Variants in SETD2 observed in about 807,000 individuals in gnomAD.
The protein encoded by SETD2 is SET domain containing 2, histone lysine methyltransferase.
In SETD2, 31 loss-of-function variants were observed where a neutral mutation model predicts 242.1. The observed-to-expected ratio is 0.13, with a 90% CI of 0.10 to 0.17. The LOEUF (loss-of-function observed/expected upper bound fraction) is 0.17, where lower values mean the gene tolerates loss of function less well. Among genes scored for constraint, SETD2 ranks in the 10% least tolerant of loss-of-function variants. The pLI is 1.00. For synonymous variants in SETD2, 1,006 were observed against 1,066.5 expected (o/e 0.94, Z 1.11); for missense variants, 2,481 against 3,046.3 (o/e 0.81, Z 4.37).
chr3:47,095,065 T>C (rs1331512054), intron 9 of SETD2, among the ~76,000 whole-genome samples: 1 of 152,202 alleles, frequency 6.6e-6, no homozygotes, highest in Non-Finnish European at 1.5e-5. Context: ...TCACTTCTCA[T>C]CAATAAATTA....
chr3:47,086,869 T>C (rs1367489832), intron 10 of SETD2, among the ~76,000 whole-genome samples: 2 of 151,596 alleles, frequency 1.3e-5, no homozygotes, highest in African/African-American at 4.8e-5. Context: ...CCCTTATCTC[T>C]ACAAAAATAT....
At chr3:47,139,977 T>C (rs564581148) in intron 1 of SETD2, among the ~76,000 whole-genome samples, 8 of 152,304 alleles carry the variant, frequency 5.3e-5, no homozygotes, top group South Asian at 2.1e-4. Flanking sequence ...ATATACCGAC[T>C]AAATCTAGAA....
intron 15 of SETD2, among the ~76,000 whole-genome samples, chr3:47,048,830 G>A (rs570686430): frequency 6.6e-6 from 1 of 151,892 alleles, no homozygotes; most frequent in African/African-American, 2.4e-5. Flanking sequence ...ACCACGCCTG[G>A]CTAATTTTTT....
chr3:47,062,486 C>A, intron 13 of SETD2, 140 bp from the exon 14 acceptor site: 1 of 719,562 alleles, frequency 1.4e-6, no homozygotes, highest in Admixed American at 3.0e-5. Context: ...GTCATCTACC[C>A]AGTTCTGAAT....
In SETD2 at chr3:47,083,901, A is replaced by G; in HGVS notation, c.5879T>C (p.Ile1960Thr). The change falls in exon 12 of 21, where the codon ATA becomes ACA. Residue 1960 changes from isoleucine (I) to threonine (T), a missense_variant. Physicochemically the swap from Ile to Thr is moderately conservative, Grantham distance 89 (BLOSUM62 -1). Coordinates refer to ENST00000409792, the MANE Select transcript of SETD2 (RefSeq NM_014159.7). ...TGTGCCGTTGCTCTCTTTGGGCTCT[A>G]TTTCAGCGTCAGCTTCTGGTTCAGA... ...PTSEPEADAE[I>T]EPKESNGTKL... 2.5e-6 allele frequency: 4 copies of G among 1,614,048 alleles called. No individual in the cohort carries two copies. Among genetic ancestry groups the G allele is most frequent in the South Asian group, 1.1e-5 (1 of 91,078 alleles).
chr3:47,114,531 CTGAT>C (rs1163460561), intron 4 of SETD2, among the ~76,000 whole-genome samples: 1 of 152,082 alleles, frequency 6.6e-6, no homozygotes, highest in Non-Finnish European at 1.5e-5. Context: ...AAATCGAACA[CTGAT>C]TGACTTCTTA....
chr3:47,143,177 C>T (rs911224928), intron 1 of SETD2, among the ~76,000 whole-genome samples: 16 of 151,910 alleles, frequency 1.1e-4, no homozygotes, highest in Admixed American at 9.2e-4. Context: ...GCCTGTAGTC[C>T]CAGGTACTCA....
chr3:47,103,228 T>C (rs994458690), intron 7 of SETD2, 118 bp downstream of exon 7: 65 of 660,698 alleles, frequency 9.8e-5, no homozygotes, highest in Non-Finnish European at 1.1e-4. Flanking sequence ...AATAATAAAG[T>C]AGAATAGGAA....
At chr3:47,113,348 A>G (rs2042731752) in intron 5 of SETD2, among the ~76,000 whole-genome samples, 1 of 152,208 alleles carries the variant, frequency 6.6e-6, no homozygotes, top group Non-Finnish European at 1.5e-5. Context: ...AGCTTCATAG[A>G]GATTCTGGGG....
At chr3:47,163,481 C>T (rs1398323357) in intron 1 of SETD2, 1 of 153,168 alleles carries the variant, frequency 6.5e-6, no homozygotes, top group Non-Finnish European at 1.5e-5. Flanking sequence ...CCGACTCTGC[C>T]CTTTGGCTAG....
chr3:47,088,386 G>C, intron 9 of SETD2, 139 bp from the exon 10 acceptor site: 1 of 731,950 alleles, frequency 1.4e-6, no homozygotes, highest in Non-Finnish European at 2.2e-6. Flanking sequence ...CTAGACTGGG[G>C]GAAAAAGTTA....
At chr3:47,163,041 G>C (rs1450328032) in intron 1 of SETD2, among the ~76,000 whole-genome samples, 4 of 152,138 alleles carry the variant, frequency 2.6e-5, no homozygotes, top group Non-Finnish European at 5.9e-5. Context: ...AAAGTCATCC[G>C]TTTAGGGTAA....
At chr3:47,068,064 C>T (rs2040641860) in intron 12 of SETD2, among the ~76,000 whole-genome samples, 1 of 152,168 alleles carries the variant, frequency 6.6e-6, no homozygotes, top group African/African-American at 2.4e-5. Context: ...TCTTTAACAG[C>T]TCTTCACTAT....
rs2038024197 is a variant in SETD2 at position 47,017,368 on chromosome 3, C to G, written c.7534-114G>C. On this transcript the variant is annotated intron_variant, in intron 20 of 20. Coordinates refer to ENST00000409792, the MANE Select transcript of SETD2 (RefSeq NM_014159.7). The surrounding 1 kb of genome is among the most constrained non-coding windows in gnomAD (Gnocchi z 4.8). ...TGCTTCAGGGCCCTTCTCACCAAGACAGGAAGTTAATAAGGGGGTAGATGT... is the reference window on the plus strand; with the variant it reads ...TGCTTCAGGGCCCTTCTCACCAAGAGAGGAAGTTAATAAGGGGGTAGATGT... 1 of 1,143,386 alleles carries G rather than the reference C, an allele frequency of 8.7e-7. No individual in the cohort carries two copies. Among genetic ancestry groups the G allele is most frequent in the Non-Finnish European group, 1.2e-6 (1 of 804,254 alleles). The allele number at this position is 1,143,386 out of a possible 1,614,324, so 70.8% of individuals were successfully genotyped here.
intron 17 of SETD2, among the ~76,000 whole-genome samples, chr3:47,040,232 G>C (rs970103280): frequency 6.6e-6 from 1 of 152,058 alleles, no homozygotes; most frequent in African/African-American, 2.4e-5. Flanking sequence ...GCCCATCTTG[G>C]CCTCCCAAAG....
intron 9 of SETD2, 86 bp downstream of exon 9, chr3:47,097,869 G>A: frequency 7.4e-7 from 1 of 1,342,782 alleles, no homozygotes; most frequent in African/African-American, 1.5e-5. Flanking sequence ...GGTGGCAGTA[G>A]TATGACTTTA....
At chr3:47,072,954 A>AAAAG (rs760800645) in intron 12 of SETD2, among the ~76,000 whole-genome samples, 19 of 151,404 alleles carry the variant, frequency 1.3e-4, no homozygotes, top group East Asian at 5.8e-4. Flanking sequence ...CTCAAAAAAA[A>AAAAG]AAAGAAAGAA....
chr3:47,096,837 A>T (rs148796936), intron 9 of SETD2, among the ~76,000 whole-genome samples: 20 of 152,322 alleles, frequency 1.3e-4, no homozygotes, highest in South Asian at 4.1e-4. Context: ...ATGACATTCC[A>T]ATGCATTTGT....
At chr3:47,064,252 C>T (rs1185747910) in intron 13 of SETD2, among the ~76,000 whole-genome samples, 2 of 152,096 alleles carry the variant, frequency 1.3e-5, no homozygotes, top group African/African-American at 4.8e-5. Flanking sequence ...GGCCCAAAAC[C>T]CCAAGTATTT....
Sources: allele counts gnomAD v4.1 joint callset (sites outside exome capture counted in the v4.1 genomes callset), GRCh38; gene constraint gnomAD v4.1.1; non-coding constraint Gnocchi (gnomAD v3.1); transcripts MANE v1.5; gene names NCBI Gene and HGNC (gene_info 2026-07-23, HGNC 2026-07-21).